SERINC1: variants seen among roughly 807,000 people sequenced by gnomAD.
SERINC1 encodes the protein tumor differentially expressed protein 2.
A neutral mutation model predicts 52.9 loss-of-function variants in SERINC1; 38 were observed. The ratio of observed to expected loss-of-function variants is 0.72; its 90% confidence interval spans 0.55 to 0.94. The LOEUF is 0.94. SERINC1 is among the 40% of genes least tolerant of loss of function. The probability of loss-of-function intolerance (pLI) is 0.00; values close to 1 mark genes in which losing one functional copy is unlikely to be tolerated. For synonymous variants in SERINC1, 198 were observed against 183.1 expected (o/e 1.08, Z -0.66); for missense variants, 471 against 533.9 (o/e 0.88, Z 1.16).
chr6:122,467,561 C>T (rs747126917), intron 1 of SERINC1, among the ~76,000 whole-genome samples: 2 of 152,026 alleles, frequency 1.3e-5, no homozygotes, highest in African/African-American at 4.8e-5. Flanking sequence ...GAGCTGAGAT[C>T]GCGCCACTGC....
At chr6:122,463,073 G>A (rs1775130742) in intron 1 of SERINC1, among the ~76,000 whole-genome samples, 1 of 152,140 alleles carries the variant, frequency 6.6e-6, no homozygotes, top group Non-Finnish European at 1.5e-5. Flanking sequence ...TAAAGTGACA[G>A]TAATTAAAAC....
At chr6:122,455,735 T>C (rs1323392357) in intron 3 of SERINC1, among the ~76,000 whole-genome samples, 2 of 152,150 alleles carry the variant, frequency 1.3e-5, no homozygotes, top group Admixed American at 1.3e-4. Flanking sequence ...ACTAATTCAT[T>C]ATGGAAAAAT....
At chr6:122,451,849 G>T (rs745820435) in intron 6 of SERINC1, 39 bp downstream of exon 6, 3 of 1,370,344 alleles carry the variant, frequency 2.2e-6, no homozygotes, top group Non-Finnish European at 2.9e-6. Flanking sequence ...ACTTAAAAAG[G>T]TATAAGCTTC....
intron 7 of SERINC1, among the ~76,000 whole-genome samples, chr6:122,449,203 G>A (rs1270365602): frequency 6.6e-6 from 1 of 152,106 alleles, no homozygotes; most frequent in Non-Finnish European, 1.5e-5. Flanking sequence ...GCCTCTAACT[G>A]TTCAAGTAAA....
At chr6:122,456,376 CA>C in intron 3 of SERINC1, 104 bp downstream of exon 3, 1 of 650,864 alleles carries the variant, frequency 1.5e-6, no homozygotes, top group East Asian at 3.2e-5. Context: ...AGTAATTCTG[CA>C]AATTGTATAA....
At chr6:122,467,231 A>C (rs1582638393) in intron 1 of SERINC1, among the ~76,000 whole-genome samples, 1 of 152,360 alleles carries the variant, frequency 6.6e-6, no homozygotes, top group South Asian at 2.1e-4. Flanking sequence ...ATAACCTCCA[A>C]GGTTCGATCA....
chr6:122,460,950 A>G (rs1651374323), intron 1 of SERINC1, among the ~76,000 whole-genome samples: 1 of 152,182 alleles, frequency 6.6e-6, no homozygotes, highest in African/African-American at 2.4e-5. Context: ...CTAAATATTG[A>G]CAAGACAGAA....
Position 122,450,796 on chromosome 6 carries a change from G to A in SERINC1, c.850+868C>T, listed in dbSNP as rs190589781. Among the ~76,000 whole-genome samples the A allele has an allele frequency of 6.5e-3, 983 of 152,284 alleles. 7 individuals are homozygous for A. Among genetic ancestry groups the A allele is most frequent in the African/African-American group, 0.022 (920 of 41,558 alleles). ...AGTAGCTACAGATACGGTGGAAAGAGCAAGAGAACTAAAAAGTGGAACCTG... is the reference window on the plus strand; with the variant it reads ...AGTAGCTACAGATACGGTGGAAAGAACAAGAGAACTAAAAAGTGGAACCTG... On this transcript the variant is annotated intron_variant, in intron 7 of 9. Coordinates refer to ENST00000339697, the MANE Select transcript of SERINC1 (RefSeq NM_020755.4).
At chr6:122,462,809 A>C (rs906671771) in intron 1 of SERINC1, among the ~76,000 whole-genome samples, 5 of 152,232 alleles carry the variant, frequency 3.3e-5, no homozygotes, top group Non-Finnish European at 5.9e-5. Context: ...GAAAACTACA[A>C]AACATTGGTG....
rs762278476 is a variant in SERINC1, at chr6:122,445,144, G to A, written c.1262C>T (p.Thr421Ile). 2 of 1,614,074 alleles carry A rather than the reference G, an allele frequency of 1.2e-6. No individual in the cohort carries two copies. Among genetic ancestry groups the A allele is most frequent in the East Asian group, 2.2e-5 (1 of 44,868 alleles). ...EPSREMKSQW[T>I]AVWVKISSSW... The stretch of plus-strand genomic sequence containing the variant: ...GGAAGAGATTTTCACCCAGACAGCT[G>A]TCCACTGACTTTTCATCTCACGAGA... Residue 421 changes from threonine to isoleucine, a missense_variant, in exon 10 of 10, where the codon ACA (threonine) becomes ATA (isoleucine). Transcript: ENST00000339697.
At chr6:122,471,579 G>A (rs1296923365) in intron 1 of SERINC1, 120 bp downstream of exon 1, 4 of 1,188,234 alleles carry the variant, frequency 3.4e-6, no homozygotes, top group Non-Finnish European at 5.0e-6. Flanking sequence ...CGGGGACAGA[G>A]AGGGCACTCC....
At chr6:122,456,411 T>C in intron 3 of SERINC1, 70 bp downstream of exon 3, 2 of 964,840 alleles carry the variant, frequency 2.1e-6, no homozygotes, top group Non-Finnish European at 2.9e-6. Flanking sequence ...TAAAGTTTCC[T>C]TGGATAAACT....
chr6:122,466,464 C>T lies in SERINC1; in HGVS notation c.39+5235G>A, dbSNP rs150000193. Among the ~76,000 whole-genome samples, 451 of 152,180 alleles carry T rather than the reference C, an allele frequency of 3.0e-3. 2 individuals are homozygous for T. The highest frequency in any genetic ancestry group is 0.011 in the African/African-American group (439 of 41,522). On this transcript the variant is annotated intron_variant, in intron 1 of 9. Transcript: ENST00000339697. Reference sequence around the variant, plus strand: ...TCTACAGAAGCTGAGATCACAGATACGCTGGGTGTAGCTGGGACCATAAGC... The same window carrying T: ...TCTACAGAAGCTGAGATCACAGATATGCTGGGTGTAGCTGGGACCATAAGC...
intron 7 of SERINC1, among the ~76,000 whole-genome samples, chr6:122,449,146 C>T (rs1015589441): frequency 1.4e-4 from 22 of 152,150 alleles, no homozygotes; most frequent in African/African-American, 4.6e-4. Flanking sequence ...GGGCCTATTT[C>T]AAGACACAAC....
intron 7 of SERINC1, among the ~76,000 whole-genome samples, chr6:122,449,360 G>A (rs1410445636): frequency 6.6e-6 from 1 of 152,208 alleles, no homozygotes; most frequent in East Asian, 1.9e-4. Context: ...AGTTCTTGAA[G>A]GATATTAAAA....
rs1274306420 is a variant in SERINC1 at position 122,458,709 on chromosome 6, T to C, written c.40-28A>G. 2.0e-6 allele frequency: 3 copies of C among 1,470,022 alleles called. No homozygotes were observed. The highest frequency in any genetic ancestry group is 1.2e-5 in the South Asian group (1 of 81,228). The allele number at this position is 1,470,022 out of a possible 1,614,324, so 91.1% of individuals were successfully genotyped here. On this transcript the variant is annotated intron_variant, in intron 1 of 9. Transcript: ENST00000339697. Reference sequence around the variant, plus strand: ...GGGAAAAAGAATATTATTGAAAATATTATTAAGAATCAGTAAATCACTATA... The same window carrying C: ...GGGAAAAAGAATATTATTGAAAATACTATTAAGAATCAGTAAATCACTATA...
rs544630007 is a variant in SERINC1 at position 122,466,931 on chromosome 6, A to T, written c.39+4768T>A. ...TCATACAGAAAAAGTTTCTAAAATG[A>T]CTTCAGAATACCCAGCAGCAAGACT... On this transcript the variant is annotated intron_variant, in intron 1 of 9. Coordinates refer to ENST00000339697, the MANE Select transcript of SERINC1 (RefSeq NM_020755.4). Among the ~76,000 whole-genome samples, 4 of 152,290 alleles carry T rather than the reference A, an allele frequency of 2.6e-5. No homozygotes were observed. The South Asian group carries it at 8.3e-4, about 32-fold the overall frequency.
intron 3 of SERINC1, chr6:122,454,438 G>A (rs1184650802): frequency 2.1e-6 from 1 of 487,264 alleles, no homozygotes; most frequent in South Asian, 2.8e-5. Flanking sequence ...TTTGGAGAGA[G>A]AGTGAAATTA....
In SERINC1 at chr6:122,453,853, A is replaced by C. The variant is rs747062622; in HGVS notation, c.506T>G (p.Val169Gly). The C allele has an allele frequency of 5.0e-6, 8 of 1,609,116 alleles. No homozygotes were observed. The highest frequency in any genetic ancestry group is 1.7e-4 in the Middle Eastern group (1 of 6,050). The change falls in exon 5 of 10, where the codon GTC (valine) becomes GGC (glycine). Residue 169 changes from valine to glycine, a missense_variant. By Grantham distance (109) the Val-to-Gly change is moderately radical. Coordinates refer to ENST00000339697, the MANE Select transcript of SERINC1 (RefSeq NM_020755.4). ...TGAATGTGCAAAATCAATAAGTAAG[A>C]CTAGTTGTATGAGGATGAAACAAAA... ...GAFCFILIQLVLLIDFAHSWN... is the reference protein window; with the variant it reads ...GAFCFILIQLGLLIDFAHSWN...
Sources: gnomAD v4.1 joint callset for allele counts (sites outside exome capture counted in the v4.1 genomes callset) on GRCh38, gnomAD v4.1.1 for gene constraint, MANE v1.5 for transcripts, NCBI Gene and HGNC (gene_info 2026-07-23, HGNC 2026-07-21) for gene names.